The following MAN2B2 variants were observed in gnomAD, a reference collection of about 807,000 sequenced individuals.
MAN2B2 encodes mannosidase alpha class 2B member 2.
A neutral mutation model predicts 117.1 loss-of-function variants in MAN2B2; 106 were observed. The observed-to-expected ratio is 0.90, with a 90% CI of 0.77 to 1.06. The LOEUF (loss-of-function observed/expected upper bound fraction) is 1.06, where lower values mean the gene tolerates loss of function less well. MAN2B2 is among the 50% of genes least tolerant of loss of function. The pLI, the probability that MAN2B2 is intolerant of heterozygous loss-of-function variation, is 0.00. For missense variants in MAN2B2, 1,326 were observed against 1,381.4 expected (o/e 0.96, Z 0.64); for synonymous variants, 544 against 595.1 (o/e 0.91, Z 1.25).
chr4:6,578,436 G>C lies in MAN2B2; in HGVS notation c.329G>C (p.Gly110Ala), dbSNP rs750836666. The stretch of plus-strand genomic sequence containing the variant: ...GAAGGACGCCTGGAATTTGTCATCG[G>C]AGGCCAGGTCATGCATGACGAGGCT... The part of the protein sequence containing the change: ...LEEGRLEFVI[G>A]GQVMHDEAVT... The change falls in exon 3 of 19, where the codon GGA becomes GCA. Residue 110 changes from glycine to alanine, a missense_variant. Gly to Ala is a moderately conservative substitution (Grantham distance 60). Coordinates refer to ENST00000285599, the MANE Select transcript of MAN2B2 (RefSeq NM_015274.3). 9 of 1,613,730 alleles carry C rather than the reference G, an allele frequency of 5.6e-6. No homozygotes were observed. In the East Asian group the frequency reaches 2.0e-4, roughly 36 times the overall value.
In MAN2B2 at chr4:6,578,414, G is replaced by C; in HGVS notation, c.307G>C (p.Gly103Arg). 6.2e-7 allele frequency: 1 copy of C among 1,613,544 alleles called. No homozygotes were observed. The change falls in exon 3 of 19, where the codon GGA becomes CGA. Residue 103 changes from glycine to arginine, a missense_variant. Coordinates refer to ENST00000285599, the MANE Select transcript of MAN2B2 (RefSeq NM_015274.3). ...KYQVRQLLEE[G>R]RLEFVIGGQV... ...CAAGGTCCGCCAGCTCCTGGAGGAA[G>C]GACGCCTGGAATTTGTCATCGGAGG...
At position 6,621,545 on chromosome 4, in the gene MAN2B2, G is replaced by A; in HGVS notation, c.*260G>A. On this transcript the variant is annotated 3_prime_UTR_variant, in exon 19 of 19. Transcript: ENST00000285599. ...TCTTCTGTCACGTAAAGGATATTTG[G>A]CACACTCATGCGTCATTCATTCACA... The A allele has an allele frequency of 2.3e-6, 1 of 431,818 alleles. No homozygotes were observed. The highest frequency in any genetic ancestry group is 4.2e-6 in the Non-Finnish European group (1 of 238,114). 26.7% of individuals were successfully genotyped at this position (431,818 alleles called of 1,614,324 possible).
At chr4:6,614,122 G>A in intron 15 of MAN2B2, 96 bp from the exon 16 acceptor site, 1 of 1,462,462 alleles carries the variant, frequency 6.8e-7, no homozygotes, top group Non-Finnish European at 9.3e-7. Context: ...GGAAGTGGCT[G>A]GCAGGGGCAG....
chr4:6,621,529 A>G lies in MAN2B2; in HGVS notation c.*244A>G, dbSNP rs1416487810. 4.3e-6 allele frequency: 2 copies of G among 467,452 alleles called. No homozygotes were observed. The highest frequency in any genetic ancestry group is 7.7e-6 in the Non-Finnish European group (2 of 260,392). The allele number at this position is 467,452 out of a possible 1,614,324, so 29.0% of individuals were successfully genotyped here. ...CAAGCCAGCCCTCTCCTCTTCTGTC[A>G]CGTAAAGGATATTTGGCACACTCAT... On this transcript the variant is annotated 3_prime_UTR_variant, in exon 19 of 19. Coordinates refer to ENST00000285599, the MANE Select transcript of MAN2B2 (RefSeq NM_015274.3).
chr4:6,585,914 C>T (rs1038266034), intron 3 of MAN2B2, among the ~76,000 whole-genome samples: 3 of 152,234 alleles, frequency 2.0e-5, no homozygotes, highest in Non-Finnish European at 2.9e-5. Context: ...GTGCCCTTCA[C>T]CTTCTCTCCT....
At chr4:6,592,553 G>A (rs572282294) in intron 5 of MAN2B2, among the ~76,000 whole-genome samples, 44 of 152,198 alleles carry the variant, frequency 2.9e-4, no homozygotes, top group South Asian at 6.2e-4. Context: ...GCAGTGAGCC[G>A]TGATCATATC....
intron 1 of MAN2B2, 65 bp downstream of exon 1, chr4:6,575,413 G>A (rs1726018005): frequency 7.7e-7 from 1 of 1,301,776 alleles, no homozygotes; most frequent in Non-Finnish European, 1.0e-6. Flanking sequence ...CGGGATCTGA[G>A]TGTGGGTTTG....
At chr4:6,610,779 C>T in intron 13 of MAN2B2, 101 bp from the exon 14 acceptor site, 2 of 944,030 alleles carry the variant, frequency 2.1e-6, no homozygotes, top group South Asian at 1.4e-5. Flanking sequence ...CATGCTGCTG[C>T]TGTGCCTATG....
At chr4:6,599,989 G>A (rs912711321) in intron 9 of MAN2B2, among the ~76,000 whole-genome samples, 1 of 152,230 alleles carries the variant, frequency 6.6e-6, no homozygotes, top group Non-Finnish European at 1.5e-5. Context: ...CTGTGAATAG[G>A]TAGAGAAGAC....
chr4:6,603,568 G>A (rs573375797), intron 10 of MAN2B2, among the ~76,000 whole-genome samples: 23 of 152,244 alleles, frequency 1.5e-4, no homozygotes, highest in African/African-American at 4.6e-4. Flanking sequence ...TGCAGTATCC[G>A]TTAGGAGTAG....
chr4:6,582,753 A>G (rs1726485286), intron 3 of MAN2B2, among the ~76,000 whole-genome samples: 1 of 152,102 alleles, frequency 6.6e-6, no homozygotes, highest in Admixed American at 6.6e-5. Context: ...TCAACATCAT[A>G]AAGCAAGACC....
intron 15 of MAN2B2, among the ~76,000 whole-genome samples, chr4:6,612,344 C>T (rs1350108219): frequency 6.6e-6 from 1 of 152,178 alleles, no homozygotes; most frequent in Non-Finnish European, 1.5e-5. Flanking sequence ...CATAGAGGGC[C>T]TGGTGTTTCG....
intron 3 of MAN2B2, among the ~76,000 whole-genome samples, chr4:6,579,051 T>TCACCACCACCATCACCACCACCAC (rs1560634145): frequency 2.9e-5 from 1 of 34,152 alleles, no homozygotes; most frequent in Admixed American, 2.7e-4. Context: ...ATCACCACCA[T>TCACCACCACCATCACCACCACCAC]CACCACCACC....
rs145049594 is a variant in MAN2B2, at chr4:6,588,869, G to A, written c.565-176G>A. On this transcript the variant is annotated intron_variant, in intron 4 of 18. Transcript: ENST00000285599. Reference sequence around the variant, plus strand: ...GGTGGGGTGAATGAGCACTCCTTCCGGAGGGCAAATCCCACAACCAGTCTT... The same window carrying A: ...GGTGGGGTGAATGAGCACTCCTTCCAGAGGGCAAATCCCACAACCAGTCTT... Among the ~76,000 whole-genome samples the A allele has an allele frequency of 3.7e-4, 57 of 152,180 alleles. No individual in the cohort carries two copies. The East Asian group carries it at 9.5e-3, about 25-fold the overall frequency.
At chr4:6,586,053 GT>G (rs759999292) in intron 3 of MAN2B2, among the ~76,000 whole-genome samples, 53 of 143,878 alleles carry the variant, frequency 3.7e-4, no homozygotes, top group South Asian at 6.6e-4. Flanking sequence ...TTTTCTTGTG[GT>G]TTTTTTTTTT....
chr4:6,612,915 C>T (rs1018725319), intron 15 of MAN2B2, among the ~76,000 whole-genome samples: 4 of 152,216 alleles, frequency 2.6e-5, no homozygotes, highest in African/African-American at 9.6e-5. Flanking sequence ...CTGGAGCCCT[C>T]GTGAGGCTGT....
rs1727708611 is a variant in MAN2B2 at position 6,610,031 on chromosome 4, T to C, written c.2240T>C (p.Val747Ala). The C allele has an allele frequency of 1.2e-6, 2 of 1,613,974 alleles. No homozygotes were observed. Among genetic ancestry groups the C allele is most frequent in the Non-Finnish European group, 8.5e-7 (1 of 1,180,016 alleles). ...CAGCGGAGGCCCTACGTTTCCTATGTGAACAACAGCATCGCCCGGGTATGT... is the reference window on the plus strand; with the variant it reads ...CAGCGGAGGCCCTACGTTTCCTATGCGAACAACAGCATCGCCCGGGTATGT... Reference protein sequence around the residue: ...QMQRRPYVSYVNNSIARNYYP... With the variant: ...QMQRRPYVSYANNSIARNYYP... The change falls in exon 13 of 19, where the codon GTG becomes GCG. Residue 747 changes from valine to alanine, a missense_variant. Transcript: ENST00000285599.
intron 2 of MAN2B2, among the ~76,000 whole-genome samples, 172 bp from the exon 3 acceptor site, chr4:6,578,221 G>C (rs1726143404): frequency 1.3e-5 from 2 of 152,102 alleles, no homozygotes; most frequent in Admixed American, 1.3e-4. Context: ...ATGATTTCTA[G>C]GTGGTGGGAA....
intron 3 of MAN2B2, among the ~76,000 whole-genome samples, chr4:6,580,510 G>A (rs910913763): frequency 5.3e-5 from 8 of 152,172 alleles, no homozygotes; most frequent in South Asian, 2.1e-4. Flanking sequence ...CTCCTGCCCC[G>A]TGCCAGCGAG....
Sources: allele counts gnomAD v4.1 joint callset (sites outside exome capture counted in the v4.1 genomes callset), GRCh38; gene constraint gnomAD v4.1.1; transcripts MANE v1.5; gene names NCBI Gene and HGNC (gene_info 2026-07-23, HGNC 2026-07-21).